Variants in NUP210L observed in about 807,000 individuals in gnomAD.
NUP210L encodes nuclear pore membrane glycoprotein 210-like.
A neutral mutation model predicts 208.5 loss-of-function variants in NUP210L; 74 were observed. That is an observed-to-expected ratio of 0.35 (90% CI 0.29 to 0.43). NUP210L has a LOEUF of 0.43. Among genes scored for constraint, NUP210L ranks in the 20% least tolerant of loss-of-function variants. NUP210L has a pLI of 1.00. For missense variants in NUP210L, 1,843 were observed against 2,289.4 expected, an observed-to-expected ratio of 0.81 and a Z score of 3.98; for synonymous variants, 780 against 816.9, an observed-to-expected ratio of 0.95 and a Z score of 0.77.
chr1:154,152,022 A>AGAGGTTACAGTGAGCC (rs1248338208), intron 2 of NUP210L, among the ~76,000 whole-genome samples: 1 of 144,200 alleles, frequency 6.9e-6, no homozygotes, highest in Non-Finnish European at 1.5e-5. Flanking sequence ...CCTGGGAGAC[A>AGAGGTTACAGTGAGCC]GAGGTTACAG....
exon 9 of NUP210L, chr1:154,127,329 T>G: frequency 6.3e-7 from 1 of 1,575,122 alleles, no homozygotes; most frequent in Non-Finnish European, 8.7e-7. Flanking sequence ...TATAGACCTT[T>G]GTGCTGCTTT....
intron 14 of NUP210L, among the ~76,000 whole-genome samples, chr1:154,098,337 C>G (rs530795736): frequency 2.3e-4 from 35 of 152,194 alleles, no homozygotes; most frequent in Non-Finnish European, 4.1e-4. Context: ...TCACCCACAA[C>G]GTGGTGAGCA....
intron 37 of NUP210L, 146 bp downstream of exon 37, chr1:154,000,710 A>G (rs1342316851): frequency 1.5e-6 from 1 of 681,952 alleles, no homozygotes; most frequent in East Asian, 2.6e-5. Flanking sequence ...TAAACTGTTT[A>G]TTTCAGGAGT....
intron 35 of NUP210L, among the ~76,000 whole-genome samples, chr1:154,005,431 G>A (rs558268358): frequency 1.7e-4 from 26 of 151,608 alleles, no homozygotes; most frequent in African/African-American, 6.0e-4. Context: ...GTTTCACCAC[G>A]TTGGCCAGGC....
chr1:154,024,216 C>T (rs919084139), intron 30 of NUP210L, among the ~76,000 whole-genome samples: 3 of 152,184 alleles, frequency 2.0e-5, no homozygotes, highest in African/African-American at 7.2e-5. Context: ...TTATCAGGAA[C>T]ACAATCTATA....
At chr1:154,082,737 C>A (rs1004022959) in intron 16 of NUP210L, among the ~76,000 whole-genome samples, 3 of 152,172 alleles carry the variant, frequency 2.0e-5, no homozygotes, top group African/African-American at 4.8e-5. Flanking sequence ...CCTTCAGATG[C>A]GTCCAGAGTT....
At chr1:154,013,186 C>T (rs1651044814) in intron 33 of NUP210L, among the ~76,000 whole-genome samples, 1 of 152,000 alleles carries the variant, frequency 6.6e-6, no homozygotes, top group Non-Finnish European at 1.5e-5. Context: ...GCATAAACTA[C>T]CATGCCTAGC....
intron 12 of NUP210L, 35 bp from the exon 13 acceptor site, chr1:154,104,245 T>A (rs763392343): frequency 6.3e-7 from 1 of 1,588,748 alleles, no homozygotes; most frequent in South Asian, 1.1e-5. Flanking sequence ...AAGAAAGTTA[T>A]GTTAAAAAAA....
At chr1:153,993,605 G>C (rs12564669) in intron 38 of NUP210L, among the ~76,000 whole-genome samples, 40,063 of 149,954 alleles carry the variant, frequency 0.27, 5,933 homozygotes, top group Admixed American at 0.39. Context: ...GTAGACAATA[G>C]TGTTGTGTTA....
At chr1:154,042,194 G>C (rs1402870175) in intron 27 of NUP210L, among the ~76,000 whole-genome samples, 2 of 151,540 alleles carry the variant, frequency 1.3e-5, no homozygotes, top group Non-Finnish European at 2.9e-5. Flanking sequence ...TCACCTCCCG[G>C]GCTCAGGTGA....
intron 10 of NUP210L, among the ~76,000 whole-genome samples, chr1:154,124,926 C>T (rs1379384452): frequency 1.3e-5 from 2 of 152,074 alleles, no homozygotes; most frequent in South Asian, 2.1e-4. Context: ...GCACTCCAGC[C>T]TGGGTGACAG....
At chr1:154,106,093 T>C (rs1656746367) in intron 12 of NUP210L, among the ~76,000 whole-genome samples, 1 of 151,878 alleles carries the variant, frequency 6.6e-6, no homozygotes, top group African/African-American at 2.4e-5. Context: ...AAACCCCATC[T>C]CTACTAAAAA....
chr1:154,124,212 G>C (rs1378898171), intron 10 of NUP210L, among the ~76,000 whole-genome samples: 1 of 148,124 alleles, frequency 6.8e-6, no homozygotes, highest in Non-Finnish European at 1.5e-5. Context: ...AAAAAAGAGA[G>C]AGAGAGAGCA....
intron 33 of NUP210L, 66 bp from the exon 34 acceptor site, chr1:154,012,436 C>T: frequency 6.7e-7 from 1 of 1,485,798 alleles, no homozygotes; most frequent in Non-Finnish European, 9.2e-7. Flanking sequence ...TCCAGATCCA[C>T]CCCTCATAAC....
chr1:154,066,427 C>T (rs934471841), intron 17 of NUP210L, among the ~76,000 whole-genome samples: 1 of 152,210 alleles, frequency 6.6e-6, no homozygotes, highest in East Asian at 1.9e-4. Flanking sequence ...CTGGCTAACA[C>T]GGTGAAACCC....
chr1:154,106,118 G>A (rs866403518), intron 12 of NUP210L, among the ~76,000 whole-genome samples: 1 of 151,912 alleles, frequency 6.6e-6, no homozygotes, highest in Non-Finnish European at 1.5e-5. Context: ...AAAATTACCC[G>A]GGCGTGGTGG....
intron 17 of NUP210L, among the ~76,000 whole-genome samples, chr1:154,065,052 G>A (rs1193113980): frequency 1.3e-5 from 2 of 150,286 alleles, no homozygotes; most frequent in Non-Finnish European, 3.0e-5. Context: ...TTCCAGCCTG[G>A]GAGACAGAGC....
At chr1:154,098,567 C>T (rs549749511) in intron 14 of NUP210L, among the ~76,000 whole-genome samples, 3 of 152,256 alleles carry the variant, frequency 2.0e-5, no homozygotes, top group African/African-American at 7.2e-5. Context: ...CTGCAGCTCT[C>T]AGCAGAGAGG....
At chr1:154,026,463 C>T (rs1225097412) in intron 29 of NUP210L, among the ~76,000 whole-genome samples, 1 of 152,064 alleles carries the variant, frequency 6.6e-6, no homozygotes, top group Non-Finnish European at 1.5e-5. Context: ...ATTCCCCTGC[C>T]TCAGCCTCCT....
Sources: allele counts gnomAD v4.1 joint callset (sites outside exome capture counted in the v4.1 genomes callset), GRCh38; gene constraint gnomAD v4.1.1; transcripts MANE v1.5; gene names NCBI Gene and HGNC (gene_info 2026-07-23, HGNC 2026-07-21).